The following ENO1 variants were observed in gnomAD, a reference collection of about 807,000 sequenced individuals.
ENO1 encodes alpha-enolase.
A neutral mutation model predicts 46.3 loss-of-function variants in ENO1; 33 were observed. The observed-to-expected ratio is 0.71, with a 90% CI of 0.54 to 0.95. The LOEUF (loss-of-function observed/expected upper bound fraction) is 0.95, where lower values mean the gene tolerates loss of function less well. Among genes scored for constraint, ENO1 ranks in the 40% least tolerant of loss-of-function variants. ENO1 has a pLI of 0.00. For missense variants in ENO1, 488 were observed against 553.3 expected (o/e 0.88, Z 1.18); for synonymous variants, 220 against 216.0 (o/e 1.02, Z -0.16).
At chr1:8,871,813 C>A in intron 3 of ENO1, 78 bp downstream of exon 3, 1 of 1,492,114 alleles carries the variant, frequency 6.7e-7, no homozygotes, top group South Asian at 1.2e-5. Context: ...AAGTGCCACC[C>A]AGAGAGGACA....
intron 6 of ENO1, 105 bp downstream of exon 6, chr1:8,867,012 G>A: frequency 1.3e-6 from 2 of 1,497,652 alleles, no homozygotes; most frequent in Non-Finnish European, 1.8e-6. Flanking sequence ...GCTGTGCTGG[G>A]AGAGTCACAT....
intron 2 of ENO1, among the ~76,000 whole-genome samples, chr1:8,874,202 T>G (rs1387318580): frequency 6.6e-6 from 1 of 152,154 alleles, no homozygotes; most frequent in African/African-American, 2.4e-5. Context: ...TGGGCCCCTT[T>G]AGGGACAAGG....
chr1:8,871,200 A>T (rs1269892804), intron 3 of ENO1: 1 of 1,060,336 alleles, frequency 9.4e-7, no homozygotes, highest in Non-Finnish European at 1.1e-6. Flanking sequence ...ACACCAGCCC[A>T]GTGTTTCACA....
chr1:8,867,960 A>C, intron 5 of ENO1, 28 bp downstream of exon 5: 1 of 1,605,004 alleles, frequency 6.2e-7, no homozygotes. Flanking sequence ...GATCTTCCCC[A>C]GTAAAGACGC....
chr1:8,864,139 G>A, intron 8 of ENO1, 47 bp from the exon 9 acceptor site: 2 of 1,598,590 alleles, frequency 1.3e-6, no homozygotes, highest in South Asian at 1.1e-5. Flanking sequence ...CTCCCAGTGT[G>A]CTCCACCGCA....
At chr1:8,871,677 A>G in intron 3 of ENO1, 2 of 1,364,138 alleles carry the variant, frequency 1.5e-6, no homozygotes, top group Non-Finnish European at 9.5e-7. Flanking sequence ...GGAACTCTCG[A>G]CCCAGAGCAT....
At chr1:8,861,820 G>A (rs1214479354) in intron 11 of ENO1, among the ~76,000 whole-genome samples, 2 of 148,382 alleles carry the variant, frequency 1.3e-5, no homozygotes, top group Non-Finnish European at 1.5e-5. Flanking sequence ...ATGGCATGGG[G>A]AGAAAAGGAG....
chr1:8,872,301 G>A (rs780951911), intron 2 of ENO1, among the ~76,000 whole-genome samples: 4 of 152,138 alleles, frequency 2.6e-5, no homozygotes, highest in Non-Finnish European at 4.4e-5. Context: ...TCACAAGCTC[G>A]CATTGGTGCC....
At chr1:8,869,613 G>C (rs974111108) in intron 4 of ENO1, among the ~76,000 whole-genome samples, 1 of 152,144 alleles carries the variant, frequency 6.6e-6, no homozygotes. Context: ...AGGCTGGAGT[G>C]CAGTGGCACA....
Position 8,865,427 on chromosome 1 carries a change from G to T in ENO1, c.723C>A (p.Val241=). ...CGGAGGCCGCTACGTCCATGCCGAT[G>T]ACCACCTTATCAGTGTAGCCAGCTT... ...IGKAGYTDKV[V]IGMDVAASEF... Residue 241 remains valine (V), a synonymous_variant, in exon 8 of 12, where the codon GTC becomes GTA. Transcript: ENST00000234590. 6.2e-7 allele frequency: 1 copy of T among 1,613,892 alleles called. No homozygotes were observed. The highest frequency in any genetic ancestry group is 1.1e-5 in the South Asian group (1 of 91,048).
At chr1:8,870,312 G>T in intron 4 of ENO1, 140 bp downstream of exon 4, 1 of 1,085,102 alleles carries the variant, frequency 9.2e-7, no homozygotes, top group Non-Finnish European at 1.3e-6. Flanking sequence ...GTCATGCATG[G>T]ATTGTTCTCG....
At chr1:8,874,676 C>T (rs1306609236) in intron 2 of ENO1, 148 bp downstream of exon 2, 2 of 513,002 alleles carry the variant, frequency 3.9e-6, no homozygotes, top group Middle Eastern at 5.6e-4. Flanking sequence ...CCAACCCTCA[C>T]AGTCAGGAAT....
chr1:8,875,001 T>G, intron 1 of ENO1, 84 bp from the exon 2 acceptor site: 1 of 1,190,176 alleles, frequency 8.4e-7, no homozygotes, highest in South Asian at 1.3e-5. Flanking sequence ...CTTCCGAGGT[T>G]CGTGGACTAG....
intron 3 of ENO1, chr1:8,871,176 G>T: frequency 6.4e-6 from 7 of 1,091,712 alleles, no homozygotes; most frequent in Non-Finnish European, 6.7e-6. Context: ...TGAACACCCA[G>T]CACCACCACT....
intron 8 of ENO1, 46 bp downstream of exon 8, chr1:8,865,239 G>A: frequency 1.9e-6 from 3 of 1,602,204 alleles, no homozygotes; most frequent in Non-Finnish European, 2.6e-6. Flanking sequence ...CTGCCCTGCT[G>A]CAGGTCAGTG....
intron 3 of ENO1, chr1:8,870,918 G>T (rs983098516): frequency 4.0e-6 from 5 of 1,257,326 alleles, no homozygotes; most frequent in African/African-American, 1.5e-5. Context: ...AAAAATGAGA[G>T]AGACTCAGAA....
At position 8,878,610 on chromosome 1, in the gene ENO1, G is replaced by A; in HGVS notation, c.-40C>T. 1 of 456,076 alleles carries A rather than the reference G, an allele frequency of 2.2e-6. No homozygotes were observed. The highest frequency in any genetic ancestry group is 4.4e-6 in the Non-Finnish European group (1 of 226,790). 28.3% of individuals were successfully genotyped at this position (456,076 alleles called of 1,614,324 possible). Reference sequence around the variant, plus strand: ...CACTGGGTCTCGTCGCCTAGGAGAGGAAGCGGAGGGTGCTGCAGACACCGA... The same window carrying A: ...CACTGGGTCTCGTCGCCTAGGAGAGAAAGCGGAGGGTGCTGCAGACACCGA... On this transcript the variant is annotated 5_prime_UTR_variant, in exon 1 of 12. Coordinates refer to ENST00000234590, the MANE Select transcript of ENO1 (RefSeq NM_001428.5).
At chr1:8,866,606 A>G in intron 6 of ENO1, 105 bp from the exon 7 acceptor site, 1 of 1,238,806 alleles carries the variant, frequency 8.1e-7, no homozygotes, top group Non-Finnish European at 1.2e-6. Flanking sequence ...AGATGAGCCC[A>G]AGACTTGCTT....
Position 8,861,515 on chromosome 1 carries a change from C to A in ENO1, c.1236-86G>T. ...TAAGTTTTCCCATCCTAGATGTGGTCAAAGACACAGCCCCACTCCTGGGAA... is the reference window on the plus strand; with the variant it reads ...TAAGTTTTCCCATCCTAGATGTGGTAAAAGACACAGCCCCACTCCTGGGAA... On this transcript the variant is annotated intron_variant, in intron 11 of 11. Coordinates refer to ENST00000234590, the MANE Select transcript of ENO1 (RefSeq NM_001428.5). 3 of 1,377,560 alleles carry A rather than the reference C, an allele frequency of 2.2e-6. No individual in the cohort carries two copies. In the South Asian group the frequency reaches 3.6e-5, roughly 17 times the overall value. 85.3% of individuals were successfully genotyped at this position (1,377,560 alleles called of 1,614,324 possible).
Sources: gnomAD v4.1 joint callset for allele counts (sites outside exome capture counted in the v4.1 genomes callset) on GRCh38, gnomAD v4.1.1 for gene constraint, MANE v1.5 for transcripts, NCBI Gene and HGNC (gene_info 2026-07-23, HGNC 2026-07-21) for gene names.